The following KATNIP variants were observed in gnomAD, a reference collection of about 807,000 sequenced individuals.
The protein encoded by KATNIP is katanin-interacting protein.
A neutral mutation model predicts 174.0 loss-of-function variants in KATNIP; 126 were observed. That is an observed-to-expected ratio of 0.72 (90% confidence interval 0.63 to 0.84). The LOEUF is 0.84. Among genes scored for constraint, KATNIP ranks in the 40% least tolerant of loss-of-function variants. The pLI is 0.00. For synonymous variants in KATNIP, 810 were observed against 835.7 expected (o/e 0.97, Z 0.53); for missense variants, 1,958 against 2,109.7 (o/e 0.93, Z 1.41).
At chr16:27,569,689 G>A (rs765115842) in intron 1 of KATNIP, among the ~76,000 whole-genome samples, 2 of 152,210 alleles carry the variant, frequency 1.3e-5, no homozygotes, top group African/African-American at 2.4e-5. Context: ...ACAGGCAGGA[G>A]CTGTCTTCGC....
intron 18 of KATNIP, chr16:27,757,613 C>T: frequency 1.5e-6 from 1 of 681,740 alleles, no homozygotes; most frequent in Non-Finnish European, 1.8e-6. Context: ...TACTGCAAGG[C>T]AAGTGTAATT....
chr16:27,708,496 G>A, intron 12 of KATNIP: 2 of 496,268 alleles, frequency 4.0e-6, no homozygotes, highest in Non-Finnish European at 3.5e-6. Flanking sequence ...GTTACACAGG[G>A]CCTCTATTTT....
Position 27,740,211 on chromosome 16 carries a change from A to G in KATNIP, c.1914A>G (p.Glu638=). The part of the protein sequence containing the change: ...QLEEAMNAHS[E]ESKGTHEMAG... ...AGGAGGCCATGAACGCTCACTCGGA[A>G]GAAAGCAAAGGCACCCATGAGATGG... Residue 638 remains glutamate (E), a synonymous_variant, in exon 15 of 28, where the codon GAA becomes GAG. Coordinates refer to ENST00000261588, the MANE Select transcript of KATNIP (RefSeq NM_015202.5). 1 of 1,614,242 alleles carries G rather than the reference A, an allele frequency of 6.2e-7. No individual in the cohort carries two copies. The highest frequency in any genetic ancestry group is 8.5e-7 in the Non-Finnish European group (1 of 1,180,044).
intron 14 of KATNIP, among the ~76,000 whole-genome samples, chr16:27,738,733 G>A (rs373643724): frequency 9.2e-5 from 14 of 152,308 alleles, no homozygotes; most frequent in African/African-American, 3.4e-4. Flanking sequence ...GTTACCTACA[G>A]GCTGCCTTGA....
Position 27,777,848 on chromosome 16 carries a change from T to A in KATNIP, c.4713-33T>A, listed in dbSNP as rs776943664. 100 of 1,613,472 alleles carry A rather than the reference T, an allele frequency of 6.2e-5. No homozygotes were observed. The highest frequency in any genetic ancestry group is 8.1e-5 in the Non-Finnish European group (96 of 1,179,488). ...TGGCTGGGACACACGGCCAGGAGCC[T>A]GATCGAATCTTGTGTTTCCTTCCTA... is the stretch of plus-strand genomic sequence containing the variant. On this transcript the variant is annotated intron_variant, in intron 26 of 27. Coordinates refer to ENST00000261588, the MANE Select transcript of KATNIP (RefSeq NM_015202.5). The surrounding 1 kb of genome is among the most constrained non-coding windows in gnomAD (Gnocchi z 4.4).
chr16:27,634,409 C>G (rs771299475), intron 5 of KATNIP, among the ~76,000 whole-genome samples: 3 of 152,188 alleles, frequency 2.0e-5, no homozygotes, highest in African/African-American at 4.8e-5. Flanking sequence ...TGGGCTGGGC[C>G]TCTAGGAATG....
In KATNIP at chr16:27,629,545, G is replaced by A. The variant is rs201538663; in HGVS notation, c.310+715G>A. Among the ~76,000 whole-genome samples the A allele has an allele frequency of 3.0e-4, 46 of 152,222 alleles. No homozygotes were observed. The East Asian group carries it at 7.9e-3, about 26-fold the overall frequency. On this transcript the variant is annotated intron_variant, in intron 4 of 27. Coordinates refer to ENST00000261588, the MANE Select transcript of KATNIP (RefSeq NM_015202.5). Reference sequence around the variant, plus strand: ...TGTGCATACTTTAAATGGATTTCACGTGCCCTATAAGAAAACCACAGGAAG... The same window carrying A: ...TGTGCATACTTTAAATGGATTTCACATGCCCTATAAGAAAACCACAGGAAG...
intron 2 of KATNIP, among the ~76,000 whole-genome samples, chr16:27,591,234 G>T (rs1238677833): frequency 6.6e-6 from 1 of 151,724 alleles, no homozygotes; most frequent in East Asian, 1.9e-4. Flanking sequence ...CACCAGGCTG[G>T]AGTGCAGTGG....
intron 2 of KATNIP, among the ~76,000 whole-genome samples, chr16:27,591,203 TG>T (rs2075150308): frequency 6.6e-6 from 1 of 151,900 alleles, no homozygotes; most frequent in Non-Finnish European, 1.5e-5. Context: ...TTTTTTTTTT[TG>T]AGACGGAGTC....
intron 10 of KATNIP, among the ~76,000 whole-genome samples, chr16:27,700,639 A>G (rs1403366302): frequency 2.6e-5 from 4 of 152,234 alleles, no homozygotes; most frequent in African/African-American, 7.2e-5. Context: ...GGAAGGCACC[A>G]GCAACAGGGA....
chr16:27,744,817 A>T (rs1490867234), intron 15 of KATNIP, among the ~76,000 whole-genome samples: 1 of 151,954 alleles, frequency 6.6e-6, no homozygotes, highest in Non-Finnish European at 1.5e-5. Flanking sequence ...CGGGAGGCTG[A>T]GGCATGAGAA....
At chr16:27,578,881 T>C (rs552595220) in intron 2 of KATNIP, among the ~76,000 whole-genome samples, 16 of 152,146 alleles carry the variant, frequency 1.1e-4, no homozygotes, top group Non-Finnish European at 2.2e-4. Flanking sequence ...CCTGGCCAGG[T>C]TACAGTCATT....
At chr16:27,666,121 T>C (rs374250379) in intron 6 of KATNIP, among the ~76,000 whole-genome samples, 64 of 152,286 alleles carry the variant, frequency 4.2e-4, no homozygotes, top group African/African-American at 1.4e-3. Context: ...CAGGAAAGCA[T>C]TGGGCAGTCT....
intron 1 of KATNIP, among the ~76,000 whole-genome samples, chr16:27,561,800 G>A (rs2089894802): frequency 6.6e-6 from 1 of 152,214 alleles, no homozygotes; most frequent in Non-Finnish European, 1.5e-5. Context: ...GAAGGAACTT[G>A]ACAGATGTCG....
chr16:27,601,227 G>A (rs957035941), intron 2 of KATNIP, among the ~76,000 whole-genome samples: 2 of 152,132 alleles, frequency 1.3e-5, no homozygotes, highest in Non-Finnish European at 2.9e-5. Flanking sequence ...ACACAGCAGT[G>A]AGCAAGCTCG....
chr16:27,733,936 A>C (rs539005705), intron 14 of KATNIP, among the ~76,000 whole-genome samples: 1 of 152,260 alleles, frequency 6.6e-6, no homozygotes, highest in Non-Finnish European at 1.5e-5. Flanking sequence ...AATGACACTT[A>C]TGCGGTATAT....
At chr16:27,665,261 G>A (rs556310407) in intron 6 of KATNIP, among the ~76,000 whole-genome samples, 33 of 151,302 alleles carry the variant, frequency 2.2e-4, no homozygotes, top group Non-Finnish European at 4.0e-4. Context: ...CCACCACCAC[G>A]CCTGGCTAAT....
chr16:27,598,995 G>T (rs2075427658), intron 2 of KATNIP, among the ~76,000 whole-genome samples: 1 of 152,206 alleles, frequency 6.6e-6, no homozygotes, highest in Non-Finnish European at 1.5e-5. Context: ...GGGGAAGGAT[G>T]GATTTCTTCC....
rs1231032137 is a variant in KATNIP at position 27,766,269 on chromosome 16, A to C, written c.3810-40A>C. ...CCCCACTGTGATGCCTCCTGTGCCC[A>C]CTGAGCCGCCCCCCTGCCGCTCCGT... On this transcript the variant is annotated intron_variant, in intron 19 of 27. Coordinates refer to ENST00000261588, the MANE Select transcript of KATNIP (RefSeq NM_015202.5). 4 of 1,606,084 alleles carry C rather than the reference A, an allele frequency of 2.5e-6. No individual in the cohort carries two copies. The South Asian group carries it at 4.4e-5, about 18-fold the overall frequency.
Sources: gnomAD v4.1 joint callset for allele counts (sites outside exome capture counted in the v4.1 genomes callset) on GRCh38, gnomAD v4.1.1 for gene constraint, Gnocchi (gnomAD v3.1) non-coding constraint, MANE v1.5 for transcripts, NCBI Gene and HGNC (gene_info 2026-07-23, HGNC 2026-07-21) for gene names.